TGFB2: variants seen among roughly 807,000 people sequenced by gnomAD.
TGFB2 encodes the protein transforming growth factor beta-2 proprotein.
Under a neutral mutation model 42.7 loss-of-function variants are expected in TGFB2, and 13 were observed. The ratio of observed to expected loss-of-function variants is 0.30; its 90% CI spans 0.20 to 0.48. The LOEUF (loss-of-function observed/expected upper bound fraction) is 0.48. Among genes scored for constraint, TGFB2 ranks in the 20% least tolerant of loss-of-function variants. TGFB2 has a pLI of 0.99. For synonymous variants in TGFB2, 193 were observed against 193.6 expected (o/e 1.00, Z 0.03); for missense variants, 390 against 517.5 (o/e 0.75, Z 2.39).
At chr1:218,392,465 C>T (rs1267725090) in intron 1 of TGFB2, among the ~76,000 whole-genome samples, 7 of 152,168 alleles carry the variant, frequency 4.6e-5, no homozygotes. Flanking sequence ...TGTGGTGTAG[C>T]TCTTGTAGAA....
chr1:218,361,426 C>T (rs1237109971), intron 1 of TGFB2, among the ~76,000 whole-genome samples: 1 of 152,182 alleles, frequency 6.6e-6, no homozygotes, highest in South Asian at 2.1e-4. Context: ...ATTACCTCAT[C>T]TTATTCCCAC....
chr1:218,376,670 C>G (rs1657753227), intron 1 of TGFB2, among the ~76,000 whole-genome samples: 1 of 152,196 alleles, frequency 6.6e-6, no homozygotes, highest in African/African-American at 2.4e-5. Context: ...GTGTACCTGA[C>G]AGCTGATGTG....
chr1:218,363,698 A>G (rs1164843216), intron 1 of TGFB2, among the ~76,000 whole-genome samples: 1 of 152,190 alleles, frequency 6.6e-6, no homozygotes, highest in African/African-American at 2.4e-5. Context: ...GAGTGATTTG[A>G]CATACACCTT....
chr1:218,374,935 C>T (rs1657691942), intron 1 of TGFB2, among the ~76,000 whole-genome samples: 1 of 152,172 alleles, frequency 6.6e-6, no homozygotes, highest in Non-Finnish European at 1.5e-5. Flanking sequence ...CTGCTTGAAA[C>T]TTTAACACAT....
intron 1 of TGFB2, among the ~76,000 whole-genome samples, chr1:218,356,499 G>A (rs1425821358): frequency 3.3e-5 from 5 of 152,162 alleles, no homozygotes; most frequent in African/African-American, 1.2e-4. Context: ...GATCACAGAT[G>A]TGAGCCACCG....
intron 1 of TGFB2, among the ~76,000 whole-genome samples, chr1:218,359,150 A>G (rs927327893): frequency 6.6e-6 from 1 of 152,154 alleles, no homozygotes; most frequent in African/African-American, 2.4e-5. Flanking sequence ...GCAAAGCTGA[A>G]TAATAGCCAT....
In TGFB2 at chr1:218,436,070, A is replaced by G; in HGVS notation, c.855A>G (p.Leu285=). The G allele has an allele frequency of 6.2e-7, 1 of 1,614,176 alleles. No homozygotes were observed. Among genetic ancestry groups the G allele is most frequent in the Non-Finnish European group, 8.5e-7 (1 of 1,179,992 alleles). ...SGKTPHLLLM[L]LPSYRLESQQ... ...AGACCCCACATCTCCTGCTAATGTT[A>G]TTGCCCTCCTACAGACTTGAGTCAC... The change falls in exon 5 of 7, where the codon TTA becomes TTG. Residue 285 remains leucine, a synonymous_variant. Transcript: ENST00000366930.
At chr1:218,397,051 G>A (rs1658536009) in intron 1 of TGFB2, among the ~76,000 whole-genome samples, 1 of 150,466 alleles carries the variant, frequency 6.6e-6, no homozygotes, top group Non-Finnish European at 1.5e-5. Flanking sequence ...TGGATCACCT[G>A]AGGTCAGGAG....
At chr1:218,370,021 C>T (rs566149380) in intron 1 of TGFB2, among the ~76,000 whole-genome samples, 1 of 152,290 alleles carries the variant, frequency 6.6e-6, no homozygotes, top group East Asian at 1.9e-4. Flanking sequence ...ATGAGTTGAG[C>T]CTACTGTGTG....
At chr1:218,353,732 A>G (rs1319151259) in intron 1 of TGFB2, among the ~76,000 whole-genome samples, 1 of 152,146 alleles carries the variant, frequency 6.6e-6, no homozygotes, top group Non-Finnish European at 1.5e-5. Flanking sequence ...TCTTGTCTCT[A>G]CAGAGAATTT....
chr1:218,359,778 G>T (rs1657152687), intron 1 of TGFB2, among the ~76,000 whole-genome samples: 1 of 152,220 alleles, frequency 6.6e-6, no homozygotes, highest in South Asian at 2.1e-4. Context: ...TTTGTGTGGA[G>T]AGGCTGGAGG....
chr1:218,440,099 G>A (rs1383117930), intron 6 of TGFB2, among the ~76,000 whole-genome samples: 1 of 152,166 alleles, frequency 6.6e-6, no homozygotes, highest in Non-Finnish European at 1.5e-5. Flanking sequence ...GGGGTTGAAG[G>A]TGTAAGGCTA....
intron 6 of TGFB2, 101 bp from the exon 7 acceptor site, chr1:218,441,103 C>A: frequency 8.9e-7 from 1 of 1,123,880 alleles, no homozygotes; most frequent in Admixed American, 2.6e-5. Flanking sequence ...ATTGCCTACT[C>A]AGTGCTGTGA....
Position 218,434,279 on chromosome 1 carries a change from T to A in TGFB2, c.644-59T>A. On this transcript the variant is annotated intron_variant, in intron 3 of 6. Coordinates refer to ENST00000366930, the MANE Select transcript of TGFB2 (RefSeq NM_003238.6). ...TATCCCTAAGTTACTTTAAATTGAT[T>A]GCAGATTTAAGGGTATAGACACACA... 2.5e-6 allele frequency: 4 copies of A among 1,610,512 alleles called. No homozygotes were observed. In the South Asian group the frequency reaches 4.4e-5, roughly 18 times the overall value.
At position 218,363,043 on chromosome 1, in the gene TGFB2, A is replaced by G. The variant is rs1657270268; in HGVS notation, c.346+15996A>G. ...ATCAAGGTATTTATTTTACCGTTTCAGTATGTAAATTGTACTCTGTTATTT... is the reference window on the plus strand; with the variant it reads ...ATCAAGGTATTTATTTTACCGTTTCGGTATGTAAATTGTACTCTGTTATTT... On this transcript the variant is annotated intron_variant, in intron 1 of 6. Coordinates refer to ENST00000366930, the MANE Select transcript of TGFB2 (RefSeq NM_003238.6). Among the ~76,000 whole-genome samples, 5 of 152,290 alleles carry G rather than the reference A, an allele frequency of 3.3e-5. No individual in the cohort carries two copies. In the South Asian group the frequency reaches 1.0e-3, roughly 32 times the overall value.
chr1:218,405,529 T>A, intron 2 of TGFB2, 197 bp downstream of exon 2: 1 of 941,984 alleles, frequency 1.1e-6, no homozygotes, highest in Non-Finnish European at 1.6e-6. Flanking sequence ...CACACCCGAT[T>A]ATCTTTTTAA....
intron 1 of TGFB2, among the ~76,000 whole-genome samples, chr1:218,399,476 C>A (rs533751600): frequency 6.6e-6 from 1 of 152,152 alleles, no homozygotes; most frequent in Non-Finnish European, 1.5e-5. Context: ...AGTATTGTAC[C>A]AATGTCAATT....
At chr1:218,352,510 T>C (rs1185767536) in intron 1 of TGFB2, among the ~76,000 whole-genome samples, 1 of 152,226 alleles carries the variant, frequency 6.6e-6, no homozygotes, top group Non-Finnish European at 1.5e-5. Context: ...AATAATATGT[T>C]AGGGGATTCT....
rs191003412 is a variant in TGFB2, at chr1:218,430,274, A to T, written c.511-3808A>T. Among the ~76,000 whole-genome samples the T allele has an allele frequency of 2.2e-4, 34 of 152,172 alleles. No individual in the cohort carries two copies. The East Asian group carries it at 6.2e-3, about 28-fold the overall frequency. ...CCGGGCATGGGTGGCGCACACCTGT[A>T]GTCCCAGCTACTCCGGAGTCTGAGG... On this transcript the variant is annotated intron_variant, in intron 2 of 6. Coordinates refer to ENST00000366930, the MANE Select transcript of TGFB2 (RefSeq NM_003238.6).
Sources: gnomAD v4.1 joint callset for allele counts (sites outside exome capture counted in the v4.1 genomes callset) on GRCh38, gnomAD v4.1.1 for gene constraint, MANE v1.5 for transcripts, NCBI Gene and HGNC (gene_info 2026-07-23, HGNC 2026-07-21) for gene names.